Variants in GAD2 observed in about 807,000 individuals in gnomAD.
The protein encoded by GAD2 is glutamate decarboxylase 2, also known as 65 kDa glutamic acid decarboxylase.
GAD2 carries 22 observed loss-of-function variants against 80.1 expected under a neutral mutation model. The ratio of observed to expected loss-of-function variants is 0.27; its 90% CI spans 0.20 to 0.39. GAD2 has a LOEUF of 0.39. GAD2 is among the 10% of genes least tolerant of loss of function. The pLI is 1.00. For missense variants in GAD2, 624 were observed against 738.4 expected (o/e 0.85, Z 1.80); for synonymous variants, 274 against 256.9 (o/e 1.07, Z -0.64).
At chr10:26,298,307 C>G (rs928193535) in intron 15 of GAD2, among the ~76,000 whole-genome samples, 1 of 152,184 alleles carries the variant, frequency 6.6e-6, no homozygotes, top group Non-Finnish European at 1.5e-5. Flanking sequence ...TAGTCCGAAT[C>G]TTATTTTCCT....
intron 5 of GAD2, 126 bp from the exon 6 acceptor site, chr10:26,224,413 A>G: frequency 1.4e-6 from 1 of 703,684 alleles, no homozygotes; most frequent in Non-Finnish European, 2.5e-6. Context: ...CTCTCTGCTT[A>G]ATGTTATAAT....
intron 4 of GAD2, among the ~76,000 whole-genome samples, chr10:26,220,258 A>C (rs1844436396): frequency 6.6e-6 from 1 of 152,210 alleles, no homozygotes; most frequent in Non-Finnish European, 1.5e-5. Context: ...GTAGCCTTTA[A>C]AAGATTTGCT....
At chr10:26,237,571 T>A (rs1844690360) in intron 7 of GAD2, among the ~76,000 whole-genome samples, 1 of 151,968 alleles carries the variant, frequency 6.6e-6, no homozygotes, top group Non-Finnish European at 1.5e-5. Flanking sequence ...TCGGGGCCAG[T>A]GATTTCCTTA....
intron 7 of GAD2, among the ~76,000 whole-genome samples, chr10:26,242,820 C>A (rs940621482): frequency 6.6e-6 from 1 of 152,176 alleles, no homozygotes; most frequent in African/African-American, 2.4e-5. Context: ...AAGAATACGT[C>A]CTCCCATTGA....
chr10:26,295,901 C>G (rs1834268825), intron 15 of GAD2, among the ~76,000 whole-genome samples: 1 of 152,188 alleles, frequency 6.6e-6, no homozygotes, highest in African/African-American at 2.4e-5. Flanking sequence ...TCTGTACCAT[C>G]TTGCCTGATT....
intron 8 of GAD2, among the ~76,000 whole-genome samples, chr10:26,265,592 T>C (rs1444116131): frequency 6.6e-6 from 1 of 152,204 alleles, no homozygotes; most frequent in Non-Finnish European, 1.5e-5. Context: ...TCAATGGCCC[T>C]GACTTTAGTA....
intron 8 of GAD2, among the ~76,000 whole-genome samples, chr10:26,261,929 A>G (rs1845013672): frequency 6.6e-6 from 1 of 152,222 alleles, no homozygotes; most frequent in Non-Finnish European, 1.5e-5. Flanking sequence ...ATTTCCTAGT[A>G]GTACACACCT....
At chr10:26,245,492 C>T (rs1844797697) in intron 7 of GAD2, among the ~76,000 whole-genome samples, 1 of 151,080 alleles carries the variant, frequency 6.6e-6, no homozygotes. Flanking sequence ...AGTTGGAGTG[C>T]AATGGCGCAA....
chr10:26,292,353 A>C (rs1834225050), intron 13 of GAD2, 112 bp from the exon 14 acceptor site: 1 of 742,510 alleles, frequency 1.3e-6, no homozygotes, highest in Non-Finnish European at 2.3e-6. Flanking sequence ...TGTGTTGAGA[A>C]AGTGCCAGAC....
At position 26,236,446 on chromosome 10, in the gene GAD2, G is replaced by A. The variant is rs1387646181; in HGVS notation, c.840+6669G>A. Among the ~76,000 whole-genome samples, 8 of 151,854 alleles carry A rather than the reference G, an allele frequency of 5.3e-5. No individual in the cohort carries two copies. The South Asian group carries it at 6.2e-4, about 12-fold the overall frequency. ...CTCCCAAGTAGCTGGAATTACAGGC[G>A]CCCACCACCACACCCGGCTAAGTTC... On this transcript the variant is annotated intron_variant, in intron 7 of 15. Coordinates refer to ENST00000376261, the MANE Select transcript of GAD2 (RefSeq NM_001134366.2).
intron 12 of GAD2, among the ~76,000 whole-genome samples, chr10:26,284,830 A>G (rs942826478): frequency 2.0e-5 from 3 of 152,046 alleles, no homozygotes; most frequent in African/African-American, 7.2e-5. Flanking sequence ...CGGCCTCCCA[A>G]AGTGCTGGGA....
At chr10:26,232,329 G>A (rs773383731) in intron 7 of GAD2, among the ~76,000 whole-genome samples, 5 of 152,090 alleles carry the variant, frequency 3.3e-5, no homozygotes, top group Non-Finnish European at 5.9e-5. Context: ...TCTCTGCCAG[G>A]CATCTCTGGT....
chr10:26,231,949 C>T (rs188955439), intron 7 of GAD2, among the ~76,000 whole-genome samples: 12 of 152,302 alleles, frequency 7.9e-5, no homozygotes, highest in East Asian at 1.9e-4. Context: ...GGCAATCCCC[C>T]GTCTCAACCT....
rs8190724 is a variant in GAD2 at position 26,272,755 on chromosome 10, T to C, written c.1093-881T>C. ...GGTGGGTGCCTGTAATCCCAGCTAC[T>C]TGGGAGGCTGAGGCAGGAGAATTGC... On this transcript the variant is annotated intron_variant, in intron 10 of 15. Transcript: ENST00000376261. Among the ~76,000 whole-genome samples, 78 of 152,132 alleles carry C rather than the reference T, an allele frequency of 5.1e-4. 3 individuals are homozygous for C. In the South Asian group the frequency reaches 0.015, roughly 30 times the overall value.
At chr10:26,268,016 C>T in intron 8 of GAD2, among the ~76,000 whole-genome samples, 1 of 152,212 alleles carries the variant, frequency 6.6e-6, no homozygotes, top group East Asian at 1.9e-4. Flanking sequence ...ACCCCACTCA[C>T]TGCTCACTAT....
At chr10:26,241,638 T>C (rs8190649) in intron 7 of GAD2, among the ~76,000 whole-genome samples, 11,919 of 152,266 alleles carry the variant, frequency 0.078, 490 homozygotes, top group Non-Finnish European at 0.091. Flanking sequence ...CGTTACCTTT[T>C]TCTCCAAGTT....
chr10:26,289,615 C>T (rs2132318230), intron 13 of GAD2, among the ~76,000 whole-genome samples: 1 of 151,756 alleles, frequency 6.6e-6, no homozygotes, highest in East Asian at 1.9e-4. Flanking sequence ...TCAGCAAAGG[C>T]CCAGTGCCTA....
At chr10:26,291,405 C>T (rs1376996361) in intron 13 of GAD2, among the ~76,000 whole-genome samples, 1 of 151,164 alleles carries the variant, frequency 6.6e-6, no homozygotes, top group Non-Finnish European at 1.5e-5. Context: ...CTCCTTGAGC[C>T]GATTACCTGG....
chr10:26,218,549 T>TCACA lies in GAD2; in HGVS notation c.287-493_287-492insACAC, dbSNP rs1373210337. 1.4e-3 allele frequency among the ~76,000 whole-genome samples: 83 copies of TCACA among 57,370 alleles called. No individual in the cohort carries two copies. In the South Asian group the frequency reaches 0.016, roughly 11 times the overall value. 37.6% of individuals were successfully genotyped at this position (57,370 alleles called of 152,430 possible). A position where few individuals can be genotyped will look rare whatever the true frequency, so the allele number is the denominator to read the frequency against. On this transcript the variant is annotated intron_variant, in intron 3 of 15. Transcript: ENST00000376261. Reference sequence around the variant, plus strand: ...CACATGCATACGCTCTCTCTCTCTCTCTCACACACACACACACACACACAC... The same window carrying TCACA: ...CACATGCATACGCTCTCTCTCTCTCTCACACTCACACACACACACACACACACAC...
Sources: gnomAD v4.1 joint callset for allele counts (sites outside exome capture counted in the v4.1 genomes callset) on GRCh38, gnomAD v4.1.1 for gene constraint, MANE v1.5 for transcripts, NCBI Gene and HGNC (gene_info 2026-07-23, HGNC 2026-07-21) for gene names.